Variants in CRTAM observed in about 807,000 individuals in gnomAD.
CRTAM encodes the protein cytotoxic and regulatory T-cell molecule.
CRTAM carries 44 observed loss-of-function variants against 50.0 expected under a neutral mutation model. The ratio of observed to expected loss-of-function variants is 0.88; its 90% confidence interval spans 0.69 to 1.13. The LOEUF is 1.13. Ranked by LOEUF, CRTAM falls within the 50% of genes most tolerant of loss-of-function variation. The pLI, the probability that CRTAM is intolerant of heterozygous loss-of-function variation, is 0.00. For synonymous variants in CRTAM, 159 were observed against 169.3 expected (o/e 0.94, Z 0.47); for missense variants, 448 against 457.5 (o/e 0.98, Z 0.19).
intron 6 of CRTAM, among the ~76,000 whole-genome samples, chr11:122,863,298 GAGAGAAAGAAAAGAAAGAAAGAA>G (rs1862116612): frequency 3.5e-5 from 5 of 141,074 alleles, no homozygotes; most frequent in African/African-American, 1.4e-4. Context: ...AAGAAAGAAA[GAGAGAAAGAAAAGAAAGAAAGAA>G]AAAGAAAGAA....
chr11:122,871,442 G>A lies in CRTAM; in HGVS notation c.*43G>A, dbSNP rs367838873. 1.3e-5 allele frequency: 20 copies of A among 1,580,352 alleles called. No individual in the cohort carries two copies. Among genetic ancestry groups the A allele is most frequent in the Admixed American group, 3.5e-5 (2 of 57,626 alleles). On this transcript the variant is annotated 3_prime_UTR_variant, in exon 10 of 10. Transcript: ENST00000227348. Reference sequence around the variant, plus strand: ...CATGTGATTTCAGGGTTGCCGCAGTGTCACCTCAGTGGACCAGCCTGGGGG... The same window carrying A: ...CATGTGATTTCAGGGTTGCCGCAGTATCACCTCAGTGGACCAGCCTGGGGG...
In CRTAM at chr11:122,838,573, G is replaced by A. The variant is rs145256087; in HGVS notation, c.27G>A (p.Leu9=). 2 of 1,614,094 alleles carry A rather than the reference G, an allele frequency of 1.2e-6. No individual in the cohort carries two copies. Among genetic ancestry groups the A allele is most frequent in the Non-Finnish European group, 1.7e-6 (2 of 1,180,026 alleles). The change falls in exon 1 of 10, where the codon CTG becomes CTA. Residue 9 remains leucine (L), a synonymous_variant. Transcript: ENST00000227348. MWWRVLSL[L]AWFPLQEASL... Reference sequence around the variant, plus strand: ...TGTGGTGGAGAGTTCTCAGCTTGCTGGCATGGTTCCCCTTGCAAGGTAAGG... The same window carrying A: ...TGTGGTGGAGAGTTCTCAGCTTGCTAGCATGGTTCCCCTTGCAAGGTAAGG...
At chr11:122,867,642 T>C in intron 8 of CRTAM, 87 bp downstream of exon 8, 3 of 1,291,308 alleles carry the variant, frequency 2.3e-6, no homozygotes, top group Non-Finnish European at 3.2e-6. Context: ...TAAAGCTTTC[T>C]GTCAGACACT....
At chr11:122,845,669 T>A (rs1483294699) in intron 1 of CRTAM, among the ~76,000 whole-genome samples, 1 of 152,120 alleles carries the variant, frequency 6.6e-6, no homozygotes, top group Admixed American at 6.5e-5. Flanking sequence ...ATCATGCCAC[T>A]GCACTGCAGC....
intron 1 of CRTAM, among the ~76,000 whole-genome samples, chr11:122,839,515 A>G (rs1861774192): frequency 6.6e-6 from 1 of 152,188 alleles, no homozygotes; most frequent in Admixed American, 6.5e-5. Context: ...ATAATTTTCA[A>G]ATTTGGATTT....
intron 6 of CRTAM, 37 bp from the exon 7 acceptor site, chr11:122,864,599 G>A (rs1217840482): frequency 1.4e-6 from 2 of 1,410,074 alleles, no homozygotes; most frequent in South Asian, 2.3e-5. Context: ...TGTATATAAT[G>A]CATGCATAGC....
chr11:122,850,595 A>G (rs1861917999), intron 2 of CRTAM, among the ~76,000 whole-genome samples: 1 of 152,188 alleles, frequency 6.6e-6, no homozygotes, highest in Non-Finnish European at 1.5e-5. Flanking sequence ...CACCCCAGAT[A>G]AGAAGCCAGC....
chr11:122,870,500 A>G (rs1201373693), intron 9 of CRTAM, among the ~76,000 whole-genome samples: 1 of 152,152 alleles, frequency 6.6e-6, no homozygotes, highest in East Asian at 1.9e-4. Flanking sequence ...CTTCACTTTC[A>G]TCCTCCTTGC....
Position 122,871,277 on chromosome 11 carries a change from C to G in CRTAM, c.1060C>G (p.Pro354Ala), listed in dbSNP as rs775504413. Residue 354 changes from proline to alanine, a missense_variant, in exon 10 of 10, where the codon CCT becomes GCT. By Grantham distance (27) the Pro-to-Ala change is conservative. Transcript: ENST00000227348. ...SEEKNGQSSH[P>A]MRCMNYITKL... ...ACATGTTTTTCTTTCAGCTTCCCAC[C>G]CTATGCGTTGCATGAACTACATCAC... 8 of 1,611,902 alleles carry G rather than the reference C, an allele frequency of 5.0e-6. No individual in the cohort carries two copies. Among genetic ancestry groups the G allele is most frequent in the Non-Finnish European group, 6.8e-6 (8 of 1,179,038 alleles).
intron 5 of CRTAM, among the ~76,000 whole-genome samples, chr11:122,861,591 C>T (rs770470461): frequency 1.8e-4 from 27 of 151,172 alleles, no homozygotes; most frequent in Non-Finnish European, 3.5e-4. Context: ...ACACACACAC[C>T]ACCACGCCCG....
chr11:122,856,642 T>G (rs1862011302), intron 5 of CRTAM, among the ~76,000 whole-genome samples: 1 of 152,240 alleles, frequency 6.6e-6, no homozygotes, highest in South Asian at 2.1e-4. Context: ...TGGATGACAA[T>G]GCATTTATTG....
intron 3 of CRTAM, 40 bp downstream of exon 3, chr11:122,851,885 G>A (rs1252786413): frequency 6.3e-7 from 1 of 1,589,812 alleles, no homozygotes. Flanking sequence ...GAGCAATATG[G>A]ATAGGAACAC....
intron 9 of CRTAM, 35 bp downstream of exon 9, chr11:122,868,134 G>C: frequency 7.6e-7 from 1 of 1,321,420 alleles, no homozygotes; most frequent in Non-Finnish European, 1.1e-6. Context: ...TCTGAACAAT[G>C]AGGTTCATTA....
At chr11:122,865,711 A>G (rs1862162769) in intron 7 of CRTAM, among the ~76,000 whole-genome samples, 1 of 152,196 alleles carries the variant, frequency 6.6e-6, no homozygotes, top group African/African-American at 2.4e-5. Flanking sequence ...ATTGCTAAAT[A>G]CCAAACAGCA....
chr11:122,863,466 T>C (rs1367961329), intron 6 of CRTAM, among the ~76,000 whole-genome samples: 1 of 152,224 alleles, frequency 6.6e-6, no homozygotes, highest in East Asian at 1.9e-4. Flanking sequence ...TTCCATTTCA[T>C]GTAATGTGTC....
chr11:122,868,381 C>G (rs939435137), intron 9 of CRTAM, among the ~76,000 whole-genome samples: 1 of 152,062 alleles, frequency 6.6e-6, no homozygotes, highest in Admixed American at 6.5e-5. Context: ...CTCAGGGGAC[C>G]GCCAGCGTTA....
chr11:122,853,812 T>TAAA, intron 3 of CRTAM, 131 bp from the exon 4 acceptor site: 3 of 662,698 alleles, frequency 4.5e-6, no homozygotes, highest in Non-Finnish European at 6.5e-6. Context: ...AGACTAAGTC[T>TAAA]AAAAAAAAAA....
chr11:122,862,958 G>A (rs60824061), intron 6 of CRTAM, among the ~76,000 whole-genome samples: 1 of 152,226 alleles, frequency 6.6e-6, no homozygotes, highest in South Asian at 2.1e-4. Flanking sequence ...GAGAAAAGAA[G>A]CAGAAGCTGG....
chr11:122,854,267 C>T (rs1861976132), intron 4 of CRTAM, among the ~76,000 whole-genome samples, 181 bp downstream of exon 4: 1 of 152,122 alleles, frequency 6.6e-6, no homozygotes, highest in Non-Finnish European at 1.5e-5. Flanking sequence ...TCTTGAAAGG[C>T]TAATCATAGA....
Sources: allele counts gnomAD v4.1 joint callset (sites outside exome capture counted in the v4.1 genomes callset), GRCh38; gene constraint gnomAD v4.1.1; transcripts MANE v1.5; gene names NCBI Gene and HGNC (gene_info 2026-07-23, HGNC 2026-07-21).